MYBL1: variants seen among roughly 807,000 people sequenced by gnomAD.
The protein encoded by MYBL1 is MYB proto-oncogene like 1.
Under a neutral mutation model 96.3 loss-of-function variants are expected in MYBL1, and 17 were observed. That is an observed-to-expected ratio of 0.18 (90% CI 0.12 to 0.26). MYBL1 has a LOEUF of 0.26. Ranked by LOEUF, MYBL1 falls within the 10% of genes least tolerant of loss-of-function variation. The probability of loss-of-function intolerance (pLI) is 1.00; values close to 1 mark genes in which losing one functional copy is unlikely to be tolerated. For missense variants in MYBL1, 701 were observed against 882.9 expected (o/e 0.79, Z 2.61); for synonymous variants, 282 against 292.7 (o/e 0.96, Z 0.37).
At chr8:66,594,047 G>T (rs1265947854) in intron 6 of MYBL1, among the ~76,000 whole-genome samples, 1 of 151,852 alleles carries the variant, frequency 6.6e-6, no homozygotes, top group Non-Finnish European at 1.5e-5. Flanking sequence ...GAAGCAGGAG[G>T]ATCACATGAG....
rs534759618 is a variant in MYBL1, at chr8:66,610,455, G to A, written c.20+2364C>T. Reference sequence around the variant, plus strand: ...AGGAAACATATATTACAGGATTTACGCCTATGCTCTTAGGCAAAACTTTTA... The same window carrying A: ...AGGAAACATATATTACAGGATTTACACCTATGCTCTTAGGCAAAACTTTTA... On this transcript the variant is annotated intron_variant, in intron 1 of 15. Coordinates refer to ENST00000522677, the MANE Select transcript of MYBL1 (RefSeq NM_001080416.4). 6.0e-5 allele frequency among the ~76,000 whole-genome samples: 9 copies of A among 151,088 alleles called. No homozygotes were observed. In the South Asian group the frequency reaches 6.3e-4, roughly 10 times the overall value.
chr8:66,601,809 T>C, intron 2 of MYBL1, 40 bp from the exon 3 acceptor site: 1 of 1,038,506 alleles, frequency 9.6e-7, no homozygotes, highest in Non-Finnish European at 1.4e-6. Context: ...TTTCCCCCCG[T>C]CCTTTTCCTC....
At chr8:66,573,879 C>T (rs1374617217) in intron 10 of MYBL1, among the ~76,000 whole-genome samples, 1 of 152,072 alleles carries the variant, frequency 6.6e-6, no homozygotes, top group Admixed American at 6.6e-5. Flanking sequence ...CAGTGTGTAA[C>T]TGAAAAAACA....
intron 10 of MYBL1, among the ~76,000 whole-genome samples, 157 bp downstream of exon 10, chr8:66,575,850 C>G (rs923387466): frequency 6.6e-6 from 1 of 151,970 alleles, no homozygotes; most frequent in Non-Finnish European, 1.5e-5. Flanking sequence ...TTGTGAGATA[C>G]TTTCTATTCT....
At chr8:66,587,069 A>C (rs1332065517) in intron 8 of MYBL1, among the ~76,000 whole-genome samples, 1 of 152,168 alleles carries the variant, frequency 6.6e-6, no homozygotes, top group Non-Finnish European at 1.5e-5. Context: ...CGGAGAAGGG[A>C]GAGTAGCCAA....
chr8:66,604,510 A>G (rs1810231545), intron 1 of MYBL1, among the ~76,000 whole-genome samples: 1 of 152,046 alleles, frequency 6.6e-6, no homozygotes, highest in Non-Finnish European at 1.5e-5. Context: ...CCATTTCAAA[A>G]TTAAAAAAAA....
At chr8:66,569,452 C>T (rs1050490530) in intron 12 of MYBL1, among the ~76,000 whole-genome samples, 3 of 151,622 alleles carry the variant, frequency 2.0e-5, no homozygotes, top group African/African-American at 7.3e-5. Flanking sequence ...CAGGGTCAAG[C>T]GATCCTCCCA....
At chr8:66,575,158 G>A (rs747182517) in intron 10 of MYBL1, among the ~76,000 whole-genome samples, 1 of 152,158 alleles carries the variant, frequency 6.6e-6, no homozygotes, top group Non-Finnish European at 1.5e-5. Context: ...TATTACAAGA[G>A]GAGAAAGTAA....
intron 1 of MYBL1, 145 bp downstream of exon 1, chr8:66,612,674 G>C (rs72652790): frequency 1.3e-5 from 13 of 1,013,108 alleles, no homozygotes; most frequent in Non-Finnish European, 1.6e-5. Context: ...TCCGGTCATC[G>C]AGGCCAAGCG....
At chr8:66,604,405 C>T (rs547607753) in intron 1 of MYBL1, among the ~76,000 whole-genome samples, 1 of 152,032 alleles carries the variant, frequency 6.6e-6, no homozygotes, top group East Asian at 1.9e-4. Context: ...TGCCTGTAAT[C>T]CCAGCTACTT....
chr8:66,564,766 A>G lies in MYBL1; in HGVS notation c.2190T>C (p.Thr730=), dbSNP rs1403637748. The part of the protein sequence containing the change: ...YGKTEDQLIM[T]EQARRYLSTY... ...TACTCAGATATCTTCTTGCTTGTTC[A>G]GTCATAATAAGTTGGTCTTCTGTCT... Residue 730 remains threonine (T), a synonymous_variant, in exon 16 of 16, where the codon ACT becomes ACC. Coordinates refer to ENST00000522677, the MANE Select transcript of MYBL1 (RefSeq NM_001080416.4). 2 of 1,583,072 alleles carry G rather than the reference A, an allele frequency of 1.3e-6. No homozygotes were observed. Among genetic ancestry groups the G allele is most frequent in the Non-Finnish European group, 1.7e-6 (2 of 1,161,020 alleles).
At chr8:66,566,598 A>G in intron 14 of MYBL1, 86 bp downstream of exon 14, 1 of 840,580 alleles carries the variant, frequency 1.2e-6, no homozygotes, top group South Asian at 2.1e-5. Context: ...TTTCTAATGA[A>G]CTGGCTACAC....
intron 9 of MYBL1, among the ~76,000 whole-genome samples, chr8:66,579,918 A>C (rs1052250700): frequency 6.6e-6 from 1 of 152,100 alleles, no homozygotes; most frequent in African/African-American, 2.4e-5. Flanking sequence ...ATAATAAAAA[A>C]TGAATTAAGT....
At chr8:66,603,329 G>A (rs556195065) in intron 1 of MYBL1, among the ~76,000 whole-genome samples, 4 of 152,138 alleles carry the variant, frequency 2.6e-5, no homozygotes, top group African/African-American at 9.6e-5. Context: ...AATGGTAATG[G>A]TAAAATATAA....
At chr8:66,581,048 G>C (rs1298392809) in intron 8 of MYBL1, among the ~76,000 whole-genome samples, 1 of 151,956 alleles carries the variant, frequency 6.6e-6, no homozygotes, top group African/African-American at 2.4e-5. Context: ...TTTTAGTAGA[G>C]ACAGGGTTTC....
In MYBL1 at chr8:66,612,845, A is replaced by G. The variant is rs1810588190; in HGVS notation, c.-7T>C. 1 of 1,376,332 alleles carries G rather than the reference A, an allele frequency of 7.3e-7. No homozygotes were observed. The highest frequency in any genetic ancestry group is 9.5e-7 in the Non-Finnish European group (1 of 1,055,756). 85.3% of individuals were successfully genotyped at this position (1,376,332 alleles called of 1,614,324 possible). A position where few individuals can be genotyped will look rare whatever the true frequency, so the allele number is the denominator to read the frequency against. On this transcript the variant is annotated 5_prime_UTR_variant, in exon 1 of 16. Transcript: ENST00000522677. Reference sequence around the variant, plus strand: ...TGCGCGACCTCTTCGCCATCCTTCAAGTACCGCATAGGAGCAGGCTGGGCG... The same window carrying G: ...TGCGCGACCTCTTCGCCATCCTTCAGGTACCGCATAGGAGCAGGCTGGGCG...
intron 10 of MYBL1, among the ~76,000 whole-genome samples, chr8:66,575,212 A>G (rs1394794470): frequency 2.0e-5 from 3 of 152,234 alleles, no homozygotes; most frequent in South Asian, 4.1e-4. Flanking sequence ...TGACACATTA[A>G]ATTCTTACAG....
Position 66,568,445 on chromosome 8 carries a change from C to A in MYBL1, c.1729-1453G>T, listed in dbSNP as rs775042058. 9.5e-4 allele frequency among the ~76,000 whole-genome samples: 145 copies of A among 151,868 alleles called. 1 individual carries two copies. Among genetic ancestry groups the A allele is most frequent in the Non-Finnish European group, 1.5e-3 (105 of 67,948 alleles). Reference sequence around the variant, plus strand: ...GGGATCAACCGAGTAGCTAGCACAACCTGCCACAACGCCTGGCTAATTTTT... The same window carrying A: ...GGGATCAACCGAGTAGCTAGCACAAACTGCCACAACGCCTGGCTAATTTTT... On this transcript the variant is annotated intron_variant, in intron 12 of 15. Coordinates refer to ENST00000522677, the MANE Select transcript of MYBL1 (RefSeq NM_001080416.4).
At chr8:66,566,624 A>C (rs1013155096) in intron 14 of MYBL1, 60 bp downstream of exon 14, 4 of 1,116,630 alleles carry the variant, frequency 3.6e-6, no homozygotes, top group African/African-American at 3.2e-5. Flanking sequence ...GTAAGAAATA[A>C]GAACCTCTAG....
Sources: allele counts gnomAD v4.1 joint callset (sites outside exome capture counted in the v4.1 genomes callset), GRCh38; gene constraint gnomAD v4.1.1; transcripts MANE v1.5; gene names NCBI Gene and HGNC (gene_info 2026-07-23, HGNC 2026-07-21).